RBFOX1: variants seen among roughly 807,000 people sequenced by gnomAD.
RBFOX1 encodes the protein RNA binding fox-1 homolog 1.
A neutral mutation model predicts 57.7 loss-of-function variants in RBFOX1; 8 were observed. The ratio of observed to expected loss-of-function variants is 0.14; its 90% CI spans 0.08 to 0.25. RBFOX1 has a LOEUF of 0.25. Among genes scored for constraint, RBFOX1 ranks in the 10% least tolerant of loss-of-function variants. RBFOX1 has a pLI of 1.00. For synonymous variants in RBFOX1, 326 were observed against 222.4 expected (o/e 1.47, Z -4.15); for missense variants, 611 against 548.5 (o/e 1.11, Z -1.14).
rs7204958 is a variant in RBFOX1 at position 6,108,839 on chromosome 16, C to T, written c.-127+88847C>T. On this transcript the variant is annotated intron_variant, in intron 1 of 15. Transcript: ENST00000550418. ...ACATCACCTTTTCCTCTTCTGTACA[C>T]GTCTGATCTCCCTCTGCTCTCTCTT... Among the ~76,000 whole-genome samples, 386 of 152,222 alleles carry T rather than the reference C, an allele frequency of 2.5e-3. 3 individuals carry two copies. Among genetic ancestry groups the T allele is most frequent in the African/African-American group, 7.9e-3 (329 of 41,538 alleles).
At chr16:5,249,182 C>A (rs2062381883) in intron 1 of RBFOX1, among the ~76,000 whole-genome samples, 1 of 152,114 alleles carries the variant, frequency 6.6e-6, no homozygotes, top group Non-Finnish European at 1.5e-5. Flanking sequence ...TTTCCTTTTC[C>A]TTGTGTTCAG....
intron 2 of RBFOX1, among the ~76,000 whole-genome samples, chr16:6,636,906 A>C (rs184857677): frequency 7.9e-6 from 1 of 127,106 alleles, no homozygotes; most frequent in African/African-American, 3.1e-5. Context: ...ATATATGTAT[A>C]AACATATATG....
At chr16:5,920,440 G>C (rs1475130701) in intron 4 of RBFOX1, among the ~76,000 whole-genome samples, 1 of 152,184 alleles carries the variant, frequency 6.6e-6, no homozygotes, top group Non-Finnish European at 1.5e-5. Flanking sequence ...TTGGGGACCT[G>C]TTTTTATTTC....
At chr16:5,725,184 G>A (rs537178966) in intron 3 of RBFOX1, among the ~76,000 whole-genome samples, 1 of 152,252 alleles carries the variant, frequency 6.6e-6, no homozygotes, top group South Asian at 2.1e-4. Flanking sequence ...TAATGAGCAT[G>A]CCAAAACAAT....
chr16:6,724,792 A>C (rs551930031), intron 3 of RBFOX1, among the ~76,000 whole-genome samples: 1 of 152,026 alleles, frequency 6.6e-6, no homozygotes, highest in Non-Finnish European at 1.5e-5. Context: ...TTTGTTACAT[A>C]AGTAAATGTG....
chr16:6,539,028 G>A (rs1343393047), intron 2 of RBFOX1, among the ~76,000 whole-genome samples: 1 of 151,832 alleles, frequency 6.6e-6, no homozygotes, highest in African/African-American at 2.4e-5. Context: ...CATGTGGAGT[G>A]TCCTATATGA....
intron 2 of RBFOX1, among the ~76,000 whole-genome samples, chr16:5,546,429 G>C (rs1172740275): frequency 6.6e-6 from 1 of 152,166 alleles, no homozygotes; most frequent in Non-Finnish European, 1.5e-5. Flanking sequence ...TTATTACAAA[G>C]CTATTGTAAT....
At chr16:7,275,787 T>C (rs2095429152) in intron 4 of RBFOX1, among the ~76,000 whole-genome samples, 1 of 152,226 alleles carries the variant, frequency 6.6e-6, no homozygotes, top group African/African-American at 2.4e-5. Context: ...AAAGGGATCA[T>C]CTTGAAGGTA....
chr16:5,403,937 A>G (rs998943831), intron 1 of RBFOX1, among the ~76,000 whole-genome samples: 3 of 151,860 alleles, frequency 2.0e-5, no homozygotes, highest in Non-Finnish European at 2.9e-5. Context: ...GCCTGGGAAG[A>G]CACCTCTGGG....
intron 4 of RBFOX1, among the ~76,000 whole-genome samples, chr16:7,183,678 C>T (rs2083173991): frequency 6.6e-6 from 1 of 152,136 alleles, no homozygotes; most frequent in Non-Finnish European, 1.5e-5. Context: ...ATGATATCTT[C>T]AGGCAGAAAT....
rs551841797 is a variant in RBFOX1, at chr16:6,145,954, C to A, written c.-127+125962C>A. On this transcript the variant is annotated intron_variant, in intron 1 of 15. Transcript: ENST00000550418. Reference sequence around the variant, plus strand: ...GAATTTGCACTAATCCAGCTCTATACTCTCCCAGGATCTCCTTTGTGACCA... The same window carrying A: ...GAATTTGCACTAATCCAGCTCTATAATCTCCCAGGATCTCCTTTGTGACCA... Among the ~76,000 whole-genome samples the A allele has an allele frequency of 4.6e-5, 7 of 152,294 alleles. No homozygotes were observed. In the East Asian group the frequency reaches 1.4e-3, roughly 29 times the overall value.
chr16:7,444,275 C>A (rs1022057487), intron 4 of RBFOX1, among the ~76,000 whole-genome samples: 1 of 152,202 alleles, frequency 6.6e-6, no homozygotes, highest in East Asian at 1.9e-4. Flanking sequence ...ATCCAGAAAA[C>A]GTGGGTGTGG....
intron 2 of RBFOX1, among the ~76,000 whole-genome samples, chr16:5,513,054 G>T (rs1372724171): frequency 6.6e-6 from 1 of 152,148 alleles, no homozygotes; most frequent in Non-Finnish European, 1.5e-5. Flanking sequence ...TAGCCAGGAA[G>T]GCAGGCGTGC....
chr16:7,171,718 A>G (rs942849298), intron 4 of RBFOX1, among the ~76,000 whole-genome samples: 2 of 152,218 alleles, frequency 1.3e-5, no homozygotes, highest in African/African-American at 2.4e-5. Flanking sequence ...TGTTTTCTGA[A>G]CAGCTAAGCC....
At chr16:7,040,137 C>T (rs952476334) in intron 3 of RBFOX1, among the ~76,000 whole-genome samples, 19 of 152,088 alleles carry the variant, frequency 1.2e-4, no homozygotes, top group Non-Finnish European at 5.9e-5. Flanking sequence ...TCTCCTGCCT[C>T]AGCCTCCCGA....
At chr16:6,994,167 C>T (rs887662723) in intron 3 of RBFOX1, among the ~76,000 whole-genome samples, 2 of 152,032 alleles carry the variant, frequency 1.3e-5, no homozygotes, top group Non-Finnish European at 2.9e-5. Flanking sequence ...GATCAGGGAG[C>T]CACAGGAAGC....
At chr16:7,104,404 C>G (rs936070741) in intron 4 of RBFOX1, among the ~76,000 whole-genome samples, 13 of 152,176 alleles carry the variant, frequency 8.5e-5, no homozygotes, top group African/African-American at 2.9e-4. Flanking sequence ...CAGTATGCCC[C>G]TCTGATTAAA....
At chr16:6,915,708 G>A (rs1225269792) in intron 3 of RBFOX1, among the ~76,000 whole-genome samples, 3 of 151,824 alleles carry the variant, frequency 2.0e-5, no homozygotes, top group Non-Finnish European at 1.5e-5. Context: ...GCACCACCAT[G>A]CCTGACTAAA....
intron 4 of RBFOX1, among the ~76,000 whole-genome samples, chr16:5,974,963 A>G (rs1662030516): frequency 6.6e-6 from 1 of 151,970 alleles, no homozygotes; most frequent in Non-Finnish European, 1.5e-5. Flanking sequence ...AGCAGAGAAC[A>G]CGCCTTTGCA....
Sources: allele counts gnomAD v4.1 joint callset (sites outside exome capture counted in the v4.1 genomes callset), GRCh38; gene constraint gnomAD v4.1.1; transcripts MANE v1.5; gene names NCBI Gene and HGNC (gene_info 2026-07-23, HGNC 2026-07-21).